The following SLC6A3 variants were observed in gnomAD, a reference collection of about 807,000 sequenced individuals.
SLC6A3 encodes sodium-dependent dopamine transporter.
In SLC6A3, 19 loss-of-function variants were observed where a neutral mutation model predicts 70.4. The observed-to-expected ratio is 0.27, with a 90% CI of 0.19 to 0.40. SLC6A3 has a LOEUF of 0.40. SLC6A3 is among the 10% of genes least tolerant of loss of function. The pLI, the probability that SLC6A3 is intolerant of heterozygous loss-of-function variation, is 1.00. For synonymous variants in SLC6A3, 368 were observed against 356.6 expected (o/e 1.03, Z -0.36); for missense variants, 613 against 838.5 (o/e 0.73, Z 3.32).
chr5:1,419,688 T>C (rs1756389685), intron 6 of SLC6A3, among the ~76,000 whole-genome samples: 1 of 152,090 alleles, frequency 6.6e-6, no homozygotes, highest in African/African-American at 2.4e-5. Context: ...GCCCTGGTTG[T>C]CCTCCTCTCT....
chr5:1,398,033 T>C (rs1755763088), intron 14 of SLC6A3, among the ~76,000 whole-genome samples: 1 of 152,112 alleles, frequency 6.6e-6, no homozygotes, highest in South Asian at 2.1e-4. Flanking sequence ...TTAAGTGAAA[T>C]ATGTATGGTA....
Position 1,400,904 on chromosome 5 carries a change from C to G in SLC6A3, c.1839+11G>C. ...CCCCCGAGAGAGGCCCAGCAGGGAC[C>G]TCGACCTCACCGTGAACTGGCGCAC... On this transcript the variant is annotated intron_variant, in intron 14 of 14. Coordinates refer to ENST00000270349, the MANE Select transcript of SLC6A3 (RefSeq NM_001044.5). 1 of 1,572,614 alleles carries G rather than the reference C, an allele frequency of 6.4e-7. No individual in the cohort carries two copies. The highest frequency in any genetic ancestry group is 8.7e-7 in the Non-Finnish European group (1 of 1,155,646).
chr5:1,424,539 G>A (rs1455096329), intron 4 of SLC6A3, among the ~76,000 whole-genome samples: 2 of 152,134 alleles, frequency 1.3e-5, no homozygotes, highest in Non-Finnish European at 2.9e-5. Context: ...ACACACACAC[G>A]TGCATGAATT....
At chr5:1,420,471 A>C in intron 6 of SLC6A3, 98 bp downstream of exon 6, 1 of 1,422,058 alleles carries the variant, frequency 7.0e-7, no homozygotes, top group Non-Finnish European at 9.9e-7. Flanking sequence ...TGGTGTCTGC[A>C]ACTCTGACAC....
rs1332950413 is a variant in SLC6A3, at chr5:1,408,730, C to G, written c.1498+296G>C. 2.0e-5 allele frequency among the ~76,000 whole-genome samples: 3 copies of G among 152,186 alleles called. No homozygotes were observed. The highest frequency in any genetic ancestry group is 2.9e-5 in the Non-Finnish European group (2 of 68,034). On this transcript the variant is annotated intron_variant, in intron 11 of 14. Coordinates refer to ENST00000270349, the MANE Select transcript of SLC6A3 (RefSeq NM_001044.5). The surrounding 1 kb of genome is among the most constrained non-coding windows in gnomAD (Gnocchi z 6.4). Reference sequence around the variant, plus strand: ...ACCCCAGCATGGATCTGATTGTGTTCCCCTGGGTGGGATGGGCTCACCGGT... The same window carrying G: ...ACCCCAGCATGGATCTGATTGTGTTGCCCTGGGTGGGATGGGCTCACCGGT...
chr5:1,420,933 A>G (rs1280615550), intron 5 of SLC6A3, among the ~76,000 whole-genome samples: 2 of 152,252 alleles, frequency 1.3e-5, no homozygotes, highest in African/African-American at 4.8e-5. Context: ...ACAACTTGGC[A>G]GGGAAAGCAC....
At position 1,438,529 on chromosome 5, in the gene SLC6A3, T is replaced by A. The variant is rs1756894773; in HGVS notation, c.418+2830A>T. 1.3e-5 allele frequency among the ~76,000 whole-genome samples: 2 copies of A among 152,348 alleles called. No homozygotes were observed. The highest frequency in any genetic ancestry group is 3.4e-3 in the Middle Eastern group (1 of 294). On this transcript the variant is annotated intron_variant, in intron 3 of 14. Transcript: ENST00000270349. The surrounding 1 kb of genome is among the most constrained non-coding windows in gnomAD (Gnocchi z 6.5). ...CCAAGTTGAGTTGGTGCTCTGAAAT[T>A]CTTAGAAATTGCTTCTTGACATTTT...
Position 1,443,335 on chromosome 5 carries a change from G to C in SLC6A3, c.-45-93C>G, listed in dbSNP as rs554005114. On this transcript the variant is annotated intron_variant, in intron 1 of 14. Coordinates refer to ENST00000270349, the MANE Select transcript of SLC6A3 (RefSeq NM_001044.5). ...TACCTGGTGCGGAGGGCAGAGCCCC[G>C]AGGCATTCACGGGCATTCCTCTGGG... The C allele has an allele frequency of 4.0e-6, 4 of 1,010,726 alleles. No homozygotes were observed. In the South Asian group the frequency reaches 5.2e-5, roughly 13 times the overall value. The allele number at this position is 1,010,726 out of a possible 1,614,324, so 62.6% of individuals were successfully genotyped here.
rs1756422637 is a variant in SLC6A3, at chr5:1,421,018, G to T, written c.793-315C>A. 6.6e-6 allele frequency among the ~76,000 whole-genome samples: 1 copy of T among 152,206 alleles called. No homozygotes were observed. The highest frequency in any genetic ancestry group is 6.5e-5 in the Admixed American group (1 of 15,280). ...GGGTTTTCTGATGCGTGGGACGTGAGTGGATTCACACTGGTGAACGGCACT... is the reference window on the plus strand; with the variant it reads ...GGGTTTTCTGATGCGTGGGACGTGATTGGATTCACACTGGTGAACGGCACT... On this transcript the variant is annotated intron_variant, in intron 5 of 14. Coordinates refer to ENST00000270349, the MANE Select transcript of SLC6A3 (RefSeq NM_001044.5). This position sits in a 1 kb window ranked among gnomAD's most constrained non-coding sequence, Gnocchi z 7.2.
chr5:1,432,412 G>T, intron 4 of SLC6A3, 52 bp downstream of exon 4: 1 of 1,404,516 alleles, frequency 7.1e-7, no homozygotes, highest in African/African-American at 1.4e-5. Context: ...GCTACCATGG[G>T]GGACCTGGCT....
rs1169234093 is a variant in SLC6A3 at position 1,406,873 on chromosome 5, T to G, written c.1499-585A>C. Among the ~76,000 whole-genome samples, 1 of 152,066 alleles carries G rather than the reference T, an allele frequency of 6.6e-6. No homozygotes were observed. Among genetic ancestry groups the G allele is most frequent in the Non-Finnish European group, 1.5e-5 (1 of 68,030 alleles). On this transcript the variant is annotated intron_variant, in intron 11 of 14. Transcript: ENST00000270349. The surrounding 1 kb of genome is among the most constrained non-coding windows in gnomAD (Gnocchi z 8.8). ...AATGAATGTGACTCCTGTGGGAACC[T>G]CCCGTCAGTGGAGTCACGTGGCACG... is the stretch of plus-strand genomic sequence containing the variant.
chr5:1,400,833 A>C lies in SLC6A3; in HGVS notation c.1839+82T>G, dbSNP rs1755831724. ...TGAGCACCATCTACACCAGCCTCGG[A>C]GCCCCCTGGGGGCTAAGAACACTGA... On this transcript the variant is annotated intron_variant, in intron 14 of 14. Transcript: ENST00000270349. 4.1e-6 allele frequency: 4 copies of C among 979,688 alleles called. No homozygotes were observed. In the Admixed American group the frequency reaches 8.4e-5, roughly 21 times the overall value. 60.7% of individuals were successfully genotyped at this position (979,688 alleles called of 1,614,324 possible). A position where few individuals can be genotyped will look rare whatever the true frequency, so the allele number is the denominator to read the frequency against.
chr5:1,397,347 C>T lies in SLC6A3; in HGVS notation c.1840-2589G>A, dbSNP rs999817849. 2.6e-5 allele frequency among the ~76,000 whole-genome samples: 4 copies of T among 152,342 alleles called. No homozygotes were observed. In the South Asian group the frequency reaches 6.2e-4, roughly 24 times the overall value. On this transcript the variant is annotated intron_variant, in intron 14 of 14. Transcript: ENST00000270349. This position sits in a 1 kb window ranked among gnomAD's most constrained non-coding sequence, Gnocchi z 4.7. ...TCGGGAGGCTGAGGCAGGAGAATGG[C>T]GCGAACCCGGGAGGCGGAGCTTGCA...
intron 1 of SLC6A3, among the ~76,000 whole-genome samples, chr5:1,444,084 A>G (rs1384742250): frequency 6.6e-6 from 1 of 152,180 alleles, no homozygotes; most frequent in African/African-American, 2.4e-5. Flanking sequence ...TAACCATCAC[A>G]ACTGCTTCCT....
rs1429380256 is a variant in SLC6A3, at chr5:1,413,731, G to A, written c.1156+960C>T. On this transcript the variant is annotated intron_variant, in intron 8 of 14. Transcript: ENST00000270349. The surrounding 1 kb of genome is among the most constrained non-coding windows in gnomAD (Gnocchi z 7.1). ...TGTGGCAGAGCAGGCCGGGAGGCAG[G>A]CGGGGGCTCTGCTGGCTGACAGAGA... Among the ~76,000 whole-genome samples, 1 of 152,042 alleles carries A rather than the reference G, an allele frequency of 6.6e-6. No homozygotes were observed. The highest frequency in any genetic ancestry group is 2.4e-5 in the African/African-American group (1 of 41,378).
chr5:1,428,947 C>T (rs1349336572), intron 4 of SLC6A3, among the ~76,000 whole-genome samples: 1 of 152,216 alleles, frequency 6.6e-6, no homozygotes, highest in Non-Finnish European at 1.5e-5. Context: ...ATGTTTCGTA[C>T]ATTGTGTAGG....
chr5:1,415,992 T>G, intron 7 of SLC6A3, 106 bp downstream of exon 7: 1 of 852,978 alleles, frequency 1.2e-6, no homozygotes. Context: ...GGTTTGCGGG[T>G]TCAGTGGATC....
rs977754987 is a variant in SLC6A3 at position 1,402,287 on chromosome 5, C to T, written c.1767+635G>A. On this transcript the variant is annotated intron_variant, in intron 13 of 14. Transcript: ENST00000270349. This position sits in a 1 kb window ranked among gnomAD's most constrained non-coding sequence, Gnocchi z 8.5. Reference sequence around the variant, plus strand: ...GGAACCACAGAGCCAGGGTGTTAAACAGGGCCCTGTGACTGGTCCACCTGC... The same window carrying T: ...GGAACCACAGAGCCAGGGTGTTAAATAGGGCCCTGTGACTGGTCCACCTGC... Among the ~76,000 whole-genome samples, 9 of 151,850 alleles carry T rather than the reference C, an allele frequency of 5.9e-5. No individual in the cohort carries two copies. The highest frequency in any genetic ancestry group is 1.7e-4 in the African/African-American group (7 of 41,410).
At chr5:1,424,186 G>A (rs1018687793) in intron 4 of SLC6A3, among the ~76,000 whole-genome samples, 25 of 152,326 alleles carry the variant, frequency 1.6e-4, no homozygotes, top group African/African-American at 4.8e-4. Context: ...TGAAACCATC[G>A]CCACCATTCT....
Sources: allele counts gnomAD v4.1 joint callset (sites outside exome capture counted in the v4.1 genomes callset), GRCh38; gene constraint gnomAD v4.1.1; non-coding constraint Gnocchi (gnomAD v3.1); transcripts MANE v1.5; gene names NCBI Gene and HGNC (gene_info 2026-07-23, HGNC 2026-07-21).